IGF1R: variants seen among roughly 807,000 people sequenced by gnomAD.
IGF1R encodes insulin like growth factor 1 receptor.
Under a neutral mutation model 144.6 loss-of-function variants are expected in IGF1R, and 44 were observed. The observed-to-expected ratio is 0.30, with a 90% confidence interval of 0.24 to 0.39. IGF1R has a LOEUF of 0.39. Among genes scored for constraint, IGF1R ranks in the 10% least tolerant of loss-of-function variants. The pLI is 1.00. For missense variants in IGF1R, 1,355 were observed against 1,833.7 expected (o/e 0.74, Z 4.77); for synonymous variants, 795 against 722.8 (o/e 1.10, Z -1.60).
At chr15:98,660,012 T>C (rs1187807644) in intron 1 of IGF1R, among the ~76,000 whole-genome samples, 1 of 152,246 alleles carries the variant, frequency 6.6e-6, no homozygotes, top group Non-Finnish European at 1.5e-5. Flanking sequence ...TTTATTGATA[T>C]TTTCAGAATC....
intron 2 of IGF1R, among the ~76,000 whole-genome samples, chr15:98,793,985 G>A (rs2079919125): frequency 1.3e-5 from 2 of 152,156 alleles, no homozygotes; most frequent in South Asian, 4.1e-4. Flanking sequence ...GATGAAGCAG[G>A]GGGCACAGTG....
rs143527510 is a variant in IGF1R at position 98,760,283 on chromosome 15, C to T, written c.640+52176C>T. 4.2e-3 allele frequency among the ~76,000 whole-genome samples: 630 copies of T among 151,122 alleles called. 3 individuals are homozygous for T. The highest frequency in any genetic ancestry group is 0.01 in the South Asian group (50 of 4,774). On this transcript the variant is annotated intron_variant, in intron 2 of 20. Transcript: ENST00000650285. ...AGGAGAATGGCTTGAACCTGGGATG[C>T]GGAGGTCATAGTGAGCCAAGACTGT... is the stretch of plus-strand genomic sequence containing the variant.
intron 1 of IGF1R, among the ~76,000 whole-genome samples, chr15:98,705,608 A>T (rs1461042395): frequency 1.2e-4 from 18 of 152,158 alleles, no homozygotes. Flanking sequence ...TAAGTTCTCA[A>T]GCTTTGCCCA....
chr15:98,924,396 A>C, intron 12 of IGF1R, 129 bp from the exon 13 acceptor site: 2 of 875,426 alleles, frequency 2.3e-6, no homozygotes, highest in Non-Finnish European at 3.9e-6. Flanking sequence ...CTTTACTGAC[A>C]CTCAGGATCA....
intron 2 of IGF1R, among the ~76,000 whole-genome samples, chr15:98,753,132 C>T (rs1054980072): frequency 2.0e-5 from 3 of 151,850 alleles, no homozygotes. Context: ...CAGGGTTTCA[C>T]CATGTTAGCC....
At chr15:98,794,006 C>T (rs2056184335) in intron 2 of IGF1R, among the ~76,000 whole-genome samples, 1 of 152,174 alleles carries the variant, frequency 6.6e-6, no homozygotes, top group Non-Finnish European at 1.5e-5. Flanking sequence ...GCGAAGCGCC[C>T]TATCTTAGCA....
chr15:98,690,825 C>T (rs952112526), intron 1 of IGF1R, among the ~76,000 whole-genome samples: 6 of 151,996 alleles, frequency 3.9e-5, no homozygotes, highest in African/African-American at 1.2e-4. Flanking sequence ...AAACTGGGGG[C>T]GGCAGGGTGG....
At chr15:98,775,279 T>C (rs1435946727) in intron 2 of IGF1R, among the ~76,000 whole-genome samples, 1 of 152,164 alleles carries the variant, frequency 6.6e-6, no homozygotes, top group Non-Finnish European at 1.5e-5. Context: ...ATCTCTGTTT[T>C]AACAGTCACA....
In IGF1R at chr15:98,961,733, G is replaced by A. The variant is rs759929470; in HGVS notation, c.*4291G>A. On this transcript the variant is annotated 3_prime_UTR_variant, in exon 21 of 21. Transcript: ENST00000650285. Reference sequence around the variant, plus strand: ...GCTGGTGTGTACTGGAGACACTGTTGAACTTGATCAAGACCCAGACCACCC... The same window carrying A: ...GCTGGTGTGTACTGGAGACACTGTTAAACTTGATCAAGACCCAGACCACCC... 1 of 233,458 alleles carries A rather than the reference G, an allele frequency of 4.3e-6. No homozygotes were observed. The highest frequency in any genetic ancestry group is 8.5e-6 in the Non-Finnish European group (1 of 118,036). The allele number at this position is 233,458 out of a possible 1,614,324, so 14.5% of individuals were successfully genotyped here. A position where few individuals can be genotyped will look rare whatever the true frequency, so the allele number is the denominator to read the frequency against.
In IGF1R at chr15:98,724,900, G is replaced by T. The variant is rs78871100; in HGVS notation, c.640+16793G>T. On this transcript the variant is annotated intron_variant, in intron 2 of 20. Coordinates refer to ENST00000650285, the MANE Select transcript of IGF1R (RefSeq NM_000875.5). ...GCCCTGGAATAGAGAAGTTCAGTGA[G>T]AACCTCTGTACTCCATGGGCATTTT... Among the ~76,000 whole-genome samples the T allele has an allele frequency of 5.4e-3, 822 of 152,304 alleles. 9 individuals are homozygous for T. Among genetic ancestry groups the T allele is most frequent in the African/African-American group, 0.019 (773 of 41,562 alleles).
intron 2 of IGF1R, among the ~76,000 whole-genome samples, chr15:98,777,997 A>G (rs884663): frequency 0.16 from 24,424 of 152,168 alleles, 2,080 homozygotes; most frequent in African/African-American, 0.21. Context: ...CGGGGGTTAG[A>G]TATTTATTGA....
chr15:98,914,145 G>T (rs2015138992), intron 8 of IGF1R, among the ~76,000 whole-genome samples: 1 of 152,162 alleles, frequency 6.6e-6, no homozygotes, highest in Non-Finnish European at 1.5e-5. Flanking sequence ...ACTCTCCGGG[G>T]CCTCTCATAG....
At position 98,961,980 on chromosome 15, in the gene IGF1R, T is replaced by G. The variant is rs2017245164; in HGVS notation, c.*4538T>G. On this transcript the variant is annotated 3_prime_UTR_variant, in exon 21 of 21. Transcript: ENST00000650285. ...AGATGCTCGGTGCACATTGGGGTGCTTTGGGATAAAAGATTTATGAGCCAA... is the reference window on the plus strand; with the variant it reads ...AGATGCTCGGTGCACATTGGGGTGCGTTGGGATAAAAGATTTATGAGCCAA... The G allele has an allele frequency of 2.6e-5, 6 of 233,230 alleles. No homozygotes were observed. The highest frequency in any genetic ancestry group is 6.6e-5 in the African/African-American group (3 of 45,358). The allele number at this position is 233,230 out of a possible 1,614,324, so 14.4% of individuals were successfully genotyped here. A position where few individuals can be genotyped will look rare whatever the true frequency, so the allele number is the denominator to read the frequency against.
In IGF1R at chr15:98,963,149, T is replaced by G. The variant is rs759572404; in HGVS notation, c.*5707T>G. 2.6e-5 allele frequency: 6 copies of G among 233,278 alleles called. No homozygotes were observed. Among genetic ancestry groups the G allele is most frequent in the Non-Finnish European group, 5.1e-5 (6 of 118,000 alleles). 14.5% of individuals were successfully genotyped at this position (233,278 alleles called of 1,614,324 possible). On this transcript the variant is annotated 3_prime_UTR_variant, in exon 21 of 21. Transcript: ENST00000650285. ...TTTATAAAATGTTTGTAGTTTATAATTGCCGAAAATAATTTAAAGACACTT... is the reference window on the plus strand; with the variant it reads ...TTTATAAAATGTTTGTAGTTTATAAGTGCCGAAAATAATTTAAAGACACTT...
chr15:98,817,304 AAATAATAATAAT>A (rs57196850), intron 2 of IGF1R, among the ~76,000 whole-genome samples: 4,564 of 146,308 alleles, frequency 0.031, 253 homozygotes, highest in African/African-American at 0.11. Flanking sequence ...TCTGTCTCAA[AAATAATAATAAT>A]AATAATAATA....
intron 2 of IGF1R, among the ~76,000 whole-genome samples, chr15:98,818,104 G>A (rs995793437): frequency 1.3e-5 from 2 of 152,166 alleles, no homozygotes; most frequent in African/African-American, 4.8e-5. Context: ...TTGTATCAGG[G>A]TCTCACCCTT....
chr15:98,831,542 A>G (rs2057002157), intron 2 of IGF1R, among the ~76,000 whole-genome samples: 1 of 152,226 alleles, frequency 6.6e-6, no homozygotes, highest in Non-Finnish European at 1.5e-5. Flanking sequence ...CCCCATGATC[A>G]TAAAAGGTCA....
At chr15:98,770,059 C>T (rs1034900456) in intron 2 of IGF1R, among the ~76,000 whole-genome samples, 1 of 152,270 alleles carries the variant, frequency 6.6e-6, no homozygotes, top group South Asian at 2.1e-4. Context: ...CACTTGCTGC[C>T]TCTCAAGTCT....
chr15:98,669,284 G>T (rs1395054608), intron 1 of IGF1R, among the ~76,000 whole-genome samples: 1 of 152,178 alleles, frequency 6.6e-6, no homozygotes, highest in African/African-American at 2.4e-5. Context: ...AACCTCTGCT[G>T]CCTGAAGACA....
Sources: allele counts gnomAD v4.1 joint callset (sites outside exome capture counted in the v4.1 genomes callset), GRCh38; gene constraint gnomAD v4.1.1; transcripts MANE v1.5; gene names NCBI Gene and HGNC (gene_info 2026-07-23, HGNC 2026-07-21).